The following RAB11FIP4 variants were observed in gnomAD, a reference collection of about 807,000 sequenced individuals.
RAB11FIP4 encodes the protein rab11 family-interacting protein 4.
RAB11FIP4 carries 23 observed loss-of-function variants against 74.3 expected under a neutral mutation model. That is an observed-to-expected ratio of 0.31 (90% confidence interval 0.22 to 0.44). The LOEUF (loss-of-function observed/expected upper bound fraction) is 0.44, where lower values mean the gene tolerates loss of function less well. RAB11FIP4 is among the 20% of genes least tolerant of loss of function. The probability of loss-of-function intolerance (pLI) is 1.00; values close to 1 mark genes in which losing one functional copy is unlikely to be tolerated. For missense variants in RAB11FIP4, 630 were observed against 863.9 expected, an observed-to-expected ratio of 0.73 and a Z score of 3.39; for synonymous variants, 360 against 359.9, an observed-to-expected ratio of 1.00 and a Z score of 0.00.
chr17:31,484,739 C>T (rs1264487864), intron 3 of RAB11FIP4, among the ~76,000 whole-genome samples: 1 of 152,144 alleles, frequency 6.6e-6, no homozygotes, highest in Non-Finnish European at 1.5e-5. Context: ...ATCCTCACCT[C>T]TGTTCCCCTC....
chr17:31,411,962 C>T (rs1050967294), intron 1 of RAB11FIP4, among the ~76,000 whole-genome samples: 1 of 152,242 alleles, frequency 6.6e-6, no homozygotes, highest in South Asian at 2.1e-4. Context: ...GGGAGGGCCG[C>T]AGCCAGGCTG....
chr17:31,483,483 T>C (rs1417247145), intron 3 of RAB11FIP4, among the ~76,000 whole-genome samples: 1 of 152,206 alleles, frequency 6.6e-6, no homozygotes, highest in Admixed American at 6.5e-5. Context: ...ATTTTAAATA[T>C]TTTTAAAGCC....
At position 31,505,578 on chromosome 17, in the gene RAB11FIP4, T is replaced by C. The variant is rs1271132390; in HGVS notation, c.337-12073T>C. The stretch of plus-strand genomic sequence containing the variant: ...ATAATAATTATAATATATAATAATA[T>C]ATAATAATAATTATATATTATATAA... On this transcript the variant is annotated intron_variant, in intron 3 of 14. Coordinates refer to ENST00000621161, the MANE Select transcript of RAB11FIP4 (RefSeq NM_032932.6). Among the ~76,000 whole-genome samples the C allele has an allele frequency of 5.2e-4, 41 of 78,204 alleles. 1 individual carries two copies. In the East Asian group the frequency reaches 9.4e-3, roughly 18 times the overall value. The allele number at this position is 78,204 out of a possible 152,430, so 51.3% of individuals were successfully genotyped here.
intron 7 of RAB11FIP4, 87 bp downstream of exon 7, chr17:31,522,482 G>A: frequency 7.5e-7 from 1 of 1,324,968 alleles, no homozygotes; most frequent in South Asian, 1.2e-5. Flanking sequence ...CCCGGACTCA[G>A]CTGGTGCCCG....
chr17:31,509,115 C>T (rs1329580287), intron 3 of RAB11FIP4: 2 of 152,628 alleles, frequency 1.3e-5, no homozygotes, highest in African/African-American at 4.8e-5. Flanking sequence ...GTGCCAGATC[C>T]AGAACTGAAC....
intron 1 of RAB11FIP4, among the ~76,000 whole-genome samples, chr17:31,393,483 A>G (rs1420380348): frequency 6.6e-6 from 1 of 152,140 alleles, no homozygotes; most frequent in Non-Finnish European, 1.5e-5. Flanking sequence ...GGGCCTCCCA[A>G]CAACCTCTGG....
chr17:31,507,266 G>A (rs1294337417), intron 3 of RAB11FIP4, among the ~76,000 whole-genome samples: 1 of 152,070 alleles, frequency 6.6e-6, no homozygotes, highest in African/African-American at 2.4e-5. Flanking sequence ...GCGACAGGGT[G>A]AGACTCCATC....
chr17:31,394,809 G>A (rs2070912046), intron 1 of RAB11FIP4, among the ~76,000 whole-genome samples: 1 of 151,890 alleles, frequency 6.6e-6, no homozygotes, highest in Non-Finnish European at 1.5e-5. Context: ...TGTAGGGGTG[G>A]TTTTCGGCTT....
At chr17:31,506,226 G>A (rs923293986) in intron 3 of RAB11FIP4, among the ~76,000 whole-genome samples, 2 of 152,128 alleles carry the variant, frequency 1.3e-5, no homozygotes, top group African/African-American at 4.8e-5. Context: ...TATTACTGAT[G>A]TGGTAGAGTT....
intron 8 of RAB11FIP4, 74 bp from the exon 9 acceptor site, chr17:31,523,819 A>G (rs948612099): frequency 1.7e-6 from 2 of 1,206,002 alleles, no homozygotes; most frequent in Non-Finnish European, 1.2e-6. Context: ...CTGCTCATGA[A>G]CCTCATGGCG....
intron 1 of RAB11FIP4, among the ~76,000 whole-genome samples, chr17:31,412,794 C>T (rs1231242384): frequency 6.6e-6 from 1 of 152,212 alleles, no homozygotes; most frequent in Non-Finnish European, 1.5e-5. Context: ...CAGGCTGCAC[C>T]TCCCCTGGGA....
At chr17:31,441,769 CT>C (rs1290170298) in intron 3 of RAB11FIP4, among the ~76,000 whole-genome samples, 2 of 152,074 alleles carry the variant, frequency 1.3e-5, no homozygotes, top group Non-Finnish European at 2.9e-5. Context: ...CTCAGGTGAT[CT>C]GCCTGCTTTG....
chr17:31,397,989 C>T (rs1392465783), intron 1 of RAB11FIP4, among the ~76,000 whole-genome samples: 1 of 152,136 alleles, frequency 6.6e-6, no homozygotes, highest in Non-Finnish European at 1.5e-5. Flanking sequence ...GTCCTCCTGC[C>T]CCAGCCTCCC....
At chr17:31,428,366 C>T (rs1437710104) in intron 1 of RAB11FIP4, among the ~76,000 whole-genome samples, 2 of 152,172 alleles carry the variant, frequency 1.3e-5, no homozygotes, top group Non-Finnish European at 2.9e-5. Context: ...GGTATGCCGG[C>T]GAGTCTGCCT....
intron 13 of RAB11FIP4, 148 bp from the exon 14 acceptor site, chr17:31,530,178 A>C (rs990016317): frequency 9.6e-5 from 100 of 1,045,274 alleles, no homozygotes; most frequent in Middle Eastern, 7.0e-4. Flanking sequence ...AAAGGCTGCA[A>C]CATCTATGGC....
rs1307779646 is a variant in RAB11FIP4 at position 31,535,993 on chromosome 17, G to A, written c.*4261G>A. 6.9e-6 allele frequency: 1 copy of A among 144,298 alleles called. No individual in the cohort carries two copies. Among genetic ancestry groups the A allele is most frequent in the Non-Finnish European group, 1.5e-5 (1 of 65,832 alleles). The allele number at this position is 144,298 out of a possible 1,614,324, so 8.9% of individuals were successfully genotyped here. A position where few individuals can be genotyped will look rare whatever the true frequency, so the allele number is the denominator to read the frequency against. On this transcript the variant is annotated 3_prime_UTR_variant, in exon 15 of 15. Transcript: ENST00000621161. ...AAACCAGCATCCTACTCACACACCG[G>A]ACACTCCAGGTGCTAGTCCACTGGT...
intron 1 of RAB11FIP4, among the ~76,000 whole-genome samples, chr17:31,415,641 T>C (rs1046391463): frequency 5.3e-5 from 8 of 152,114 alleles, no homozygotes; most frequent in African/African-American, 1.9e-4. Context: ...AGTGCTGTCA[T>C]TGTCCAGATG....
rs775041011 is a variant in RAB11FIP4, at chr17:31,527,892, G to A, written c.1325G>A (p.Arg442Gln). Residue 442 changes from arginine (R) to glutamine (Q), a missense_variant, in exon 11 of 15, where the codon CGG (arginine) becomes CAG (glutamine). Transcript: ENST00000621161. The part of the protein sequence containing the change: ...ENTELRTTVT[R>Q]LKSQTEKLDE... ...ACAGAGCTTAGAACAACAGTGACTC[G>A]GCTCAAGTCTCAAACAGAGAAACTG... 6 of 1,605,128 alleles carry A rather than the reference G, an allele frequency of 3.7e-6. No homozygotes were observed. The highest frequency in any genetic ancestry group is 5.1e-6 in the Non-Finnish European group (6 of 1,176,140).
intron 3 of RAB11FIP4, among the ~76,000 whole-genome samples, chr17:31,496,788 T>A (rs1597955865): frequency 6.6e-6 from 1 of 152,236 alleles, no homozygotes; most frequent in East Asian, 1.9e-4. Context: ...CGTTGCTAAC[T>A]GCCATTCCTG....
Sources: gnomAD v4.1 joint callset for allele counts (sites outside exome capture counted in the v4.1 genomes callset) on GRCh38, gnomAD v4.1.1 for gene constraint, MANE v1.5 for transcripts, NCBI Gene and HGNC (gene_info 2026-07-23, HGNC 2026-07-21) for gene names.